The following PKD1 variants were observed in gnomAD, a reference collection of about 807,000 sequenced individuals.
The protein encoded by PKD1 is polycystin-1.
In PKD1, 81 loss-of-function variants were observed where a neutral mutation model predicts 361.7. The ratio of observed to expected loss-of-function variants is 0.22; its 90% confidence interval spans 0.19 to 0.27. The LOEUF (loss-of-function observed/expected upper bound fraction) is 0.27, where lower values mean the gene tolerates loss of function less well. Ranked by LOEUF, PKD1 falls within the 10% of genes least tolerant of loss-of-function variation. The probability of loss-of-function intolerance (pLI) is 1.00; values close to 1 mark genes in which losing one functional copy is unlikely to be tolerated. For missense variants in PKD1, 6,399 were observed against 6,118.3 expected, an observed-to-expected ratio of 1.05 and a Z score of -1.53; for synonymous variants, 3,615 against 2,818.3, an observed-to-expected ratio of 1.28 and a Z score of -8.95.
At chr16:2,099,451 T>C in intron 30 of PKD1, 193 bp downstream of exon 30, 1 of 688,514 alleles carries the variant, frequency 1.5e-6, no homozygotes, top group South Asian at 1.5e-5. Flanking sequence ...CTTTCACCAT[T>C]CTGGCTTCTG....
Position 2,088,766 on chromosome 16 carries a change from G to C in PKD1, c.*961C>G. The C allele has an allele frequency of 9.3e-7, 1 of 1,080,222 alleles. No homozygotes were observed. The highest frequency in any genetic ancestry group is 1.6e-5 in the African/African-American group (1 of 62,968). 66.9% of individuals were successfully genotyped at this position (1,080,222 alleles called of 1,614,324 possible). A position where few individuals can be genotyped will look rare whatever the true frequency, so the allele number is the denominator to read the frequency against. ...TGCTTGGTGCGGGGGTTGGGGGGGTGTCGAGGCTCTAGAAGCGGCCATGCC... is the reference window on the plus strand; with the variant it reads ...TGCTTGGTGCGGGGGTTGGGGGGGTCTCGAGGCTCTAGAAGCGGCCATGCC... On this transcript the variant is annotated 3_prime_UTR_variant, in exon 46 of 46. Coordinates refer to ENST00000262304, the MANE Select transcript of PKD1 (RefSeq NM_001009944.3).
chr16:2,112,198 A>G (rs1188143297), intron 14 of PKD1, 142 bp downstream of exon 14: 2 of 781,502 alleles, frequency 2.6e-6, no homozygotes, highest in Non-Finnish European at 4.3e-6. Context: ...CCCTCACCCC[A>G]GTAGGGGCCT....
intron 41 of PKD1, 79 bp downstream of exon 41, chr16:2,091,702 C>CG: frequency 1.3e-6 from 2 of 1,579,132 alleles, no homozygotes; most frequent in Non-Finnish European, 1.7e-6. Context: ...CCTAGGCCAG[C>CG]GGGGGCCGGA....
chr16:2,103,161 C>T, intron 23 of PKD1, 105 bp downstream of exon 23: 2 of 1,395,158 alleles, frequency 1.4e-6, no homozygotes, highest in Non-Finnish European at 2.0e-6. Context: ...GCCCATGAAA[C>T]AGAAAGCAAA....
intron 1 of PKD1, among the ~76,000 whole-genome samples, chr16:2,120,697 G>C (rs1439991699): frequency 6.6e-6 from 1 of 151,972 alleles, no homozygotes; most frequent in East Asian, 1.9e-4. Flanking sequence ...GCAAGACCCG[G>C]TCTCGAAAGA....
chr16:2,100,615 G>A lies in PKD1; in HGVS notation c.9398-49C>T, dbSNP rs188763807. ...GGAGGCTCGGTCTGCTGCCCAACAC[G>A]TGTGGCATCCCAGGCAAGTCATCTC... On this transcript the variant is annotated intron_variant, in intron 26 of 45. Coordinates refer to ENST00000262304, the MANE Select transcript of PKD1 (RefSeq NM_001009944.3). This position sits in a 1 kb window ranked among gnomAD's most constrained non-coding sequence, Gnocchi z 4.4. 7.1e-5 allele frequency: 107 copies of A among 1,512,482 alleles called. No individual in the cohort carries two copies. In the African/African-American group the frequency reaches 9.7e-4, roughly 14 times the overall value. The allele number at this position is 1,512,482 out of a possible 1,614,324, so 93.7% of individuals were successfully genotyped here.
chr16:2,091,264 G>A (rs2091529064), intron 42 of PKD1, 90 bp from the exon 43 acceptor site: 1 of 481,098 alleles, frequency 2.1e-6, no homozygotes, highest in African/African-American at 2.3e-5. Context: ...GGGGCCCTAC[G>A]AGGGGGCGGG....
In PKD1 at chr16:2,106,196, G is replaced by A; in HGVS notation, c.7598C>T (p.Ser2533Phe). Reference protein sequence around the residue: ...EEFCVYKGSLSSYGAVLPPGF... With the variant: ...EEFCVYKGSLFSYGAVLPPGF... ...CGGGGGCAGCACGGCTCCGTAGCTG[G>A]AGAGGCTGCCCTTGTAGACACAGAA... Residue 2533 changes from serine (S) to phenylalanine (F), a missense_variant, in exon 19 of 46, where the codon TCC becomes TTC. Physicochemically the swap from Ser to Phe is radical, Grantham distance 155 (BLOSUM62 -2). Coordinates refer to ENST00000262304, the MANE Select transcript of PKD1 (RefSeq NM_001009944.3). This position sits in a 1 kb window ranked among gnomAD's most constrained non-coding sequence, Gnocchi z 6.5. 1 of 1,610,238 alleles carries A rather than the reference G, an allele frequency of 6.2e-7. No homozygotes were observed. Among genetic ancestry groups the A allele is most frequent in the Non-Finnish European group, 8.5e-7 (1 of 1,179,572 alleles).
In PKD1 at chr16:2,103,735, C is replaced by G; in HGVS notation, c.8322G>C (p.Leu2774=). Residue 2774 remains leucine (L), a synonymous_variant, in exon 23 of 46, where the codon CTG becomes CTC. Transcript: ENST00000262304. Reference sequence around the variant, plus strand: ...CCACGATCTCCTCGCCCGCCAGCGTCAGGGGCTCCTCGTTGAGCACGCGGG... The same window carrying G: ...CCACGATCTCCTCGCCCGCCAGCGTGAGGGGCTCCTCGTTGAGCACGCGGG... ...MRSRVLNEEP[L]TLAGEEIVAQ... 1 of 1,610,032 alleles carries G rather than the reference C, an allele frequency of 6.2e-7. No homozygotes were observed. Among genetic ancestry groups the G allele is most frequent in the Non-Finnish European group, 8.5e-7 (1 of 1,179,632 alleles).
rs377664718 is a variant in PKD1, at chr16:2,115,443, C to T, written c.2032G>A (p.Ala678Thr). 55 of 1,596,188 alleles carry T rather than the reference C, an allele frequency of 3.4e-5. No homozygotes were observed. In the African/African-American group the frequency reaches 6.6e-4, roughly 19 times the overall value. The change falls in exon 10 of 46, where the codon GCC becomes ACC. Residue 678 changes from alanine to threonine, a missense_variant. Physicochemically the swap from Ala to Thr is moderately conservative, Grantham distance 58. Transcript: ENST00000262304. The part of the protein sequence containing the change: ...GCTSGPGLPG[A>T]PYALWREFLF... ...AACTCTCTCCATAGCGCATAGGGGG[C>T]CCCGGGTAGCCCTGGCCCTGACGTG...
intron 1 of PKD1, among the ~76,000 whole-genome samples, chr16:2,128,921 T>G (rs998793607): frequency 1.4e-4 from 21 of 151,910 alleles, no homozygotes; most frequent in African/African-American, 5.1e-4. Context: ...TAGAGTGCAG[T>G]GGTGTGATAT....
rs551238753 is a variant in PKD1 at position 2,096,155 on chromosome 16, C to T, written c.10499+993G>A. ...TGCCAGGGATGTGTTCTGAGAAATG[C>T]GTCATTAGGTAATTCTGTTGCTGTG... On this transcript the variant is annotated intron_variant, in intron 34 of 45. Transcript: ENST00000262304. Among the ~76,000 whole-genome samples the T allele has an allele frequency of 9.5e-4, 145 of 152,362 alleles. 1 individual carries two copies. The highest frequency in any genetic ancestry group is 1.2e-3 in the Admixed American group (19 of 15,298).
intron 1 of PKD1, among the ~76,000 whole-genome samples, chr16:2,129,953 AC>A (rs901904978): frequency 1.2e-4 from 18 of 152,094 alleles, no homozygotes; most frequent in African/African-American, 3.9e-4. Context: ...CTCTGTCTCC[AC>A]AGTCGCCTCT....
chr16:2,114,962 C>T (rs968445134), intron 10 of PKD1, 37 bp from the exon 11 acceptor site: 15 of 1,524,428 alleles, frequency 9.8e-6, no homozygotes, highest in South Asian at 4.8e-5. Flanking sequence ...CACGTCCTCA[C>T]GGTCATGGCC....
chr16:2,095,272 G>A (rs1164373236), intron 34 of PKD1: 2 of 152,178 alleles, frequency 1.3e-5, no homozygotes, highest in African/African-American at 4.8e-5. Flanking sequence ...AAATTAGCCG[G>A]CTGTGGCGGC....
In PKD1 at chr16:2,112,342, G is replaced by A. The variant is rs1307584030; in HGVS notation, c.3293C>T (p.Pro1098Leu). Residue 1098 changes from proline to leucine, a missense_variant and splice_region_variant, in exon 14 of 46, where the codon CCA becomes CTA. Transcript: ENST00000262304. ...EHNVMHTYAA[P>L]GEYLLTVLAS... ...CCCCTCACCCCCTCATCCCTCACCT[G>A]GGGCAGCGTAGGTGTGCATGACATT... The A allele has an allele frequency of 1.3e-6, 2 of 1,587,542 alleles. No individual in the cohort carries two copies. The highest frequency in any genetic ancestry group is 1.4e-5 in the African/African-American group (1 of 73,644).
In PKD1 at chr16:2,093,670, C is replaced by T. The variant is rs776822071; in HGVS notation, c.10890G>A (p.Leu3630=). 3.7e-5 allele frequency: 59 copies of T among 1,606,986 alleles called. No homozygotes were observed. The highest frequency in any genetic ancestry group is 4.8e-5 in the Non-Finnish European group (57 of 1,177,070). ...KRLHPDEDDT[L]VESPAVTPVS... ...CAGGCGTCACAGCCGGGCTCTCTAC[C>T]AGGGTGTCATCTTCATCCGGGTGCA... The change falls in exon 37 of 46, where the codon CTG becomes CTA. Residue 3630 remains leucine (L), a synonymous_variant. Transcript: ENST00000262304.
chr16:2,113,302 G>C lies in PKD1; in HGVS notation c.2854-10C>G, dbSNP rs550309168. ...CCACGGGGCTGTACCTCTGCGGGGG[G>C]AATGGTGTCAGCCTGGGCTCTGTGG... On this transcript the variant is annotated splice_polypyrimidine_tract_variant and intron_variant, in intron 11 of 45. Coordinates refer to ENST00000262304, the MANE Select transcript of PKD1 (RefSeq NM_001009944.3). 9.4e-6 allele frequency: 15 copies of C among 1,595,456 alleles called. No homozygotes were observed. The highest frequency in any genetic ancestry group is 8.9e-5 in the East Asian group (4 of 44,868).
rs373896217 is a variant in PKD1 at position 2,105,824 on chromosome 16, G to A, written c.7863+41C>T. 51 of 1,576,070 alleles carry A rather than the reference G, an allele frequency of 3.2e-5. 1 individual carries two copies. Among genetic ancestry groups the A allele is most frequent in the Middle Eastern group, 2.3e-4 (1 of 4,406 alleles). ...GGGTACAGGTCTTGGTCCCAAGCAC[G>A]CATGCAGCAGATGTGACGTCCCCTC... On this transcript the variant is annotated intron_variant, in intron 20 of 45. Coordinates refer to ENST00000262304, the MANE Select transcript of PKD1 (RefSeq NM_001009944.3).
Sources: allele counts gnomAD v4.1 joint callset (sites outside exome capture counted in the v4.1 genomes callset), GRCh38; gene constraint gnomAD v4.1.1; non-coding constraint Gnocchi (gnomAD v3.1); transcripts MANE v1.5; gene names NCBI Gene and HGNC (gene_info 2026-07-23, HGNC 2026-07-21).